The following TLK1 variants were observed in gnomAD, a reference collection of about 807,000 sequenced individuals.
TLK1 encodes serine/threonine-protein kinase tousled-like 1.
Under a neutral mutation model 105.3 loss-of-function variants are expected in TLK1, and 24 were observed. The ratio of observed to expected loss-of-function variants is 0.23; its 90% CI spans 0.17 to 0.32. The LOEUF (loss-of-function observed/expected upper bound fraction) is 0.32, where lower values mean the gene tolerates loss of function less well. Among genes scored for constraint, TLK1 ranks in the 10% least tolerant of loss-of-function variants. The pLI is 1.00. For synonymous variants in TLK1, 321 were observed against 310.4 expected (o/e 1.03, Z -0.36); for missense variants, 558 against 910.5 (o/e 0.61, Z 4.98).
chr2:171,129,888 G>T (rs372512121), intron 1 of TLK1, among the ~76,000 whole-genome samples: 3 of 111,280 alleles, frequency 2.7e-5, no homozygotes, highest in Admixed American at 8.6e-5. Context: ...AACATAACAT[G>T]GGTAAAATTC....
intron 5 of TLK1, among the ~76,000 whole-genome samples, chr2:171,057,527 G>C (rs1191360405): frequency 6.6e-6 from 1 of 152,016 alleles, no homozygotes; most frequent in South Asian, 2.1e-4. Flanking sequence ...GTCAGCAACT[G>C]CTTTACTTTA....
At chr2:171,023,937 G>C (rs1376603731) in intron 12 of TLK1, among the ~76,000 whole-genome samples, 3 of 152,100 alleles carry the variant, frequency 2.0e-5, no homozygotes, top group African/African-American at 2.4e-5. Flanking sequence ...ATCAAAACCT[G>C]ATCAACTATA....
At chr2:171,064,378 A>G (rs1211475492) in intron 3 of TLK1, among the ~76,000 whole-genome samples, 1 of 152,194 alleles carries the variant, frequency 6.6e-6, no homozygotes, top group African/African-American at 2.4e-5. Flanking sequence ...CTTTGAAAAA[A>G]TAGTTCGACA....
chr2:171,210,376 G>C (rs1476892203), intron 1 of TLK1, among the ~76,000 whole-genome samples: 4 of 151,778 alleles, frequency 2.6e-5, no homozygotes, highest in African/African-American at 4.8e-5. Flanking sequence ...CAATCCTCCT[G>C]AGTAGCTGGG....
At chr2:171,050,037 C>A in intron 9 of TLK1, 27 bp downstream of exon 9, 3 of 1,605,084 alleles carry the variant, frequency 1.9e-6, no homozygotes, top group South Asian at 2.2e-5. Context: ...GAAGGGAAAG[C>A]GAAAATTTAC....
At position 171,160,208 on chromosome 2, in the gene TLK1, CGGGGGGGGCGG is replaced by C. The variant is rs1408574512; in HGVS notation, c.139+71_139+81del. The C allele has an allele frequency of 3.8e-5, 43 of 1,123,914 alleles. 1 individual carries two copies. Among genetic ancestry groups the C allele is most frequent in the Middle Eastern group, 3.4e-4 (1 of 2,984 alleles). 69.6% of individuals were successfully genotyped at this position (1,123,914 alleles called of 1,614,324 possible). ...AGGGTCTGGCGGAGAAGCCCCGGGG[CGGGGGGGGCGG>C]GGGGGGGGCGCGGGGGTCCGCGGCG... On this transcript the variant is annotated intron_variant, in intron 1 of 20. Transcript: ENST00000431350. This position sits in a 1 kb window ranked among gnomAD's most constrained non-coding sequence, Gnocchi z 4.4.
At chr2:171,067,228 C>T (rs1300625371) in intron 3 of TLK1, among the ~76,000 whole-genome samples, 7 of 148,994 alleles carry the variant, frequency 4.7e-5, no homozygotes, top group African/African-American at 1.2e-4. Flanking sequence ...GACACGATCT[C>T]GGCTCACTGC....
chr2:171,218,224 G>A (rs1295812668), intron 1 of TLK1, among the ~76,000 whole-genome samples: 2 of 152,284 alleles, frequency 1.3e-5, no homozygotes, highest in South Asian at 4.1e-4. Context: ...CTGCACTCCA[G>A]CCTGGTGACA....
At chr2:171,184,067 T>C (rs1307116593) in intron 1 of TLK1, among the ~76,000 whole-genome samples, 1 of 152,184 alleles carries the variant, frequency 6.6e-6, no homozygotes, top group Non-Finnish European at 1.5e-5. Flanking sequence ...CTTTCCTAGC[T>C]GTGGTCAGAG....
At chr2:171,049,055 T>C (rs780210977) in intron 10 of TLK1, among the ~76,000 whole-genome samples, 63 of 152,156 alleles carry the variant, frequency 4.1e-4, no homozygotes, top group Admixed American at 2.3e-3. Context: ...CATGTTCTCA[T>C]GTATAAGTGG....
chr2:171,047,295 C>CT (rs1687008721), intron 10 of TLK1, among the ~76,000 whole-genome samples: 1 of 152,132 alleles, frequency 6.6e-6, no homozygotes, highest in Admixed American at 6.6e-5. Context: ...TAAGCTTATT[C>CT]TAACAGTAAC....
At chr2:171,164,228 C>A (rs1163120879), upstream of TLK1, among the ~76,000 whole-genome samples, 1 of 152,240 alleles carries the variant, frequency 6.6e-6, no homozygotes, top group Non-Finnish European at 1.5e-5. Context: ...AAGGCTTTTA[C>A]TGGCAATGGG....
chr2:171,228,644 T>C (rs1693940676), intron 1 of TLK1, among the ~76,000 whole-genome samples: 1 of 152,224 alleles, frequency 6.6e-6, no homozygotes, highest in African/African-American at 2.4e-5. Flanking sequence ...AGGTTCAGAT[T>C]GATTAATTTT....
chr2:171,078,476 T>C lies in TLK1; in HGVS notation c.330+4305A>G, dbSNP rs531236203. ...TCGCTTGAACCTGGGAGGCGGAGGT[T>C]GTGGTGAGCTGAGATCACGCCACTG... On this transcript the variant is annotated intron_variant, in intron 3 of 20. Coordinates refer to ENST00000431350, the MANE Select transcript of TLK1 (RefSeq NM_012290.5). 8.0e-3 allele frequency among the ~76,000 whole-genome samples: 1,217 copies of C among 152,046 alleles called. 13 individuals carry two copies. Among genetic ancestry groups the C allele is most frequent in the Non-Finnish European group, 0.012 (833 of 67,990 alleles).
intron 1 of TLK1, among the ~76,000 whole-genome samples, chr2:171,224,020 T>C (rs1693855393): frequency 6.6e-6 from 1 of 152,182 alleles, no homozygotes; most frequent in Admixed American, 6.5e-5. Flanking sequence ...CAAGAAGTCT[T>C]TGCCCCGACC....
chr2:171,012,026 C>G (rs1289699430), intron 13 of TLK1, among the ~76,000 whole-genome samples: 6 of 151,522 alleles, frequency 4.0e-5, no homozygotes, highest in African/African-American at 1.2e-4. Flanking sequence ...GGCTGAGTAT[C>G]CCTTATTGAA....
At chr2:171,226,045 C>T (rs1026112018) in intron 1 of TLK1, among the ~76,000 whole-genome samples, 3 of 152,144 alleles carry the variant, frequency 2.0e-5, no homozygotes, top group African/African-American at 7.2e-5. Flanking sequence ...CTAATATTCT[C>T]CTGTGAGTAT....
chr2:171,207,536 T>C (rs1693528290), intron 1 of TLK1, among the ~76,000 whole-genome samples: 1 of 152,158 alleles, frequency 6.6e-6, no homozygotes, highest in Admixed American at 6.5e-5. Context: ...TCATGATACA[T>C]CAATGTTGGC....
chr2:171,014,467 T>C (rs1559342492), intron 13 of TLK1, among the ~76,000 whole-genome samples: 1 of 152,056 alleles, frequency 6.6e-6, no homozygotes, highest in Non-Finnish European at 1.5e-5. Context: ...CTTGAGTAGC[T>C]GGAACTATAG....
Sources: allele counts gnomAD v4.1 joint callset (sites outside exome capture counted in the v4.1 genomes callset), GRCh38; gene constraint gnomAD v4.1.1; non-coding constraint Gnocchi (gnomAD v3.1); transcripts MANE v1.5; gene names NCBI Gene and HGNC (gene_info 2026-07-23, HGNC 2026-07-21).